The following PLD3 variants were observed in gnomAD, a reference collection of about 807,000 sequenced individuals.
PLD3 encodes the protein phospholipase D family member 3, also known as 5'-3' exonuclease PLD3.
Under a neutral mutation model 58.4 loss-of-function variants are expected in PLD3, and 31 were observed. The observed-to-expected ratio is 0.53, with a 90% CI of 0.40 to 0.72. PLD3 has a LOEUF of 0.72. PLD3 is among the 30% of genes least tolerant of loss of function. The pLI, the probability that PLD3 is intolerant of heterozygous loss-of-function variation, is 0.00. For synonymous variants in PLD3, 264 were observed against 273.4 expected (o/e 0.97, Z 0.34); for missense variants, 595 against 659.8 (o/e 0.90, Z 1.08).
At chr19:40,376,497 CCT>C in intron 10 of PLD3, 110 bp from the exon 11 acceptor site, 2 of 1,001,550 alleles carry the variant, frequency 2.0e-6, no homozygotes, top group Non-Finnish European at 3.0e-6. Context: ...ATGAGGAAGT[CCT>C]CTCAATAGCT....
intron 1 of PLD3, among the ~76,000 whole-genome samples, chr19:40,362,837 T>C (rs1012232807): frequency 6.6e-6 from 1 of 152,246 alleles, no homozygotes; most frequent in South Asian, 2.1e-4. Context: ...ATTACAGACC[T>C]GTAATCACTG....
intron 1 of PLD3, among the ~76,000 whole-genome samples, chr19:40,362,119 G>C (rs2078801856): frequency 6.6e-6 from 1 of 152,120 alleles, no homozygotes; most frequent in African/African-American, 2.4e-5. Context: ...TTACAGGCGT[G>C]AGACACCGCG....
At chr19:40,374,034 A>T (rs2079131649) in intron 9 of PLD3, among the ~76,000 whole-genome samples, 1 of 151,570 alleles carries the variant, frequency 6.6e-6, no homozygotes, top group Non-Finnish European at 1.5e-5. Context: ...AGGTCCTCAA[A>T]CTGAGCATGC....
At chr19:40,369,845 A>AT (rs1568671145) in intron 6 of PLD3, 63 bp from the exon 7 acceptor site, 2 of 1,464,304 alleles carry the variant, frequency 1.4e-6, no homozygotes, top group South Asian at 2.7e-5. Flanking sequence ...TCCACCGGGC[A>AT]TTACCTTGTG....
intron 11 of PLD3, 62 bp downstream of exon 11, chr19:40,376,836 T>G (rs2079217464): frequency 6.8e-7 from 1 of 1,459,936 alleles, no homozygotes; most frequent in Admixed American, 1.9e-5. Context: ...GACACAGCCC[T>G]CATGGGACTC....
At chr19:40,377,092 AGGCACAGGCAGAAG>A in intron 11 of PLD3, among the ~76,000 whole-genome samples, 1 of 36,760 alleles carries the variant, frequency 2.7e-5, no homozygotes, top group East Asian at 9.2e-4. Flanking sequence ...TGGGATGGGG[AGGCACAGGCAGAAG>A]GGTCGGGGCC....
intron 1 of PLD3, among the ~76,000 whole-genome samples, chr19:40,362,836 C>A (rs769212977): frequency 5.9e-5 from 9 of 152,146 alleles, no homozygotes; most frequent in Non-Finnish European, 1.0e-4. Flanking sequence ...CATTACAGAC[C>A]TGTAATCACT....
Position 40,375,369 on chromosome 19 carries a change from G to A in PLD3, c.1019+749G>A, listed in dbSNP as rs150131396. The stretch of plus-strand genomic sequence containing the variant: ...TCCTGGGATAAGAAGGATAACAACC[G>A]GCCGGACGTGGTGGCTCACACCTGT... On this transcript the variant is annotated intron_variant, in intron 10 of 12. Transcript: ENST00000409735. Among the ~76,000 whole-genome samples, 853 of 151,388 alleles carry A rather than the reference G, an allele frequency of 5.6e-3. 10 individuals carry two copies. The highest frequency in any genetic ancestry group is 0.02 in the African/African-American group (811 of 41,194).
In PLD3 at chr19:40,348,724, G is replaced by A; in HGVS notation, c.-323G>A. ...CGTCAGGCGGGGATACAGCCTGGAA[G>A]GTGCGTGTGGGGCTGGGTCTCGGAG... On this transcript the variant is annotated 5_prime_UTR_variant, in exon 1 of 13. Coordinates refer to ENST00000409735, the MANE Select transcript of PLD3 (RefSeq NM_012268.4). The A allele has an allele frequency of 1.9e-6, 1 of 531,958 alleles. No individual in the cohort carries two copies. 33.0% of individuals were successfully genotyped at this position (531,958 alleles called of 1,614,324 possible). A position where few individuals can be genotyped will look rare whatever the true frequency, so the allele number is the denominator to read the frequency against.
chr19:40,356,917 G>A (rs549907686), intron 1 of PLD3: 2 of 152,136 alleles, frequency 1.3e-5, no homozygotes, highest in Non-Finnish European at 2.9e-5. Flanking sequence ...ACAGCTTAGG[G>A]TTTTTAAGTT....
chr19:40,364,315 C>T (rs558840860), intron 1 of PLD3, among the ~76,000 whole-genome samples: 2 of 151,770 alleles, frequency 1.3e-5, no homozygotes, highest in Admixed American at 6.6e-5. Flanking sequence ...GATTGTGCCA[C>T]TGCACTCCAG....
chr19:40,377,333 G>A (rs1371603128), intron 11 of PLD3, among the ~76,000 whole-genome samples: 2 of 138,598 alleles, frequency 1.4e-5, no homozygotes, highest in African/African-American at 5.5e-5. Context: ...GATGGAGGAG[G>A]TACAGGCAGA....
At chr19:40,365,282 G>T (rs1035542354) in intron 1 of PLD3, among the ~76,000 whole-genome samples, 3 of 152,192 alleles carry the variant, frequency 2.0e-5, no homozygotes, top group Non-Finnish European at 2.9e-5. Context: ...CCTCTTGGGA[G>T]ATATGGGATG....
At position 40,376,652 on chromosome 19, in the gene PLD3, G is replaced by C; in HGVS notation, c.1063G>C (p.Glu355Gln). ...IDDGLRRATYERGVKVRLLIS... is the reference protein window; with the variant it reads ...IDDGLRRATYQRGVKVRLLIS... ...CGATGGGCTGCGGCGGGCCACCTACGAGCGTGGCGTCAAGGTGCGCCTGCT... is the reference window on the plus strand; with the variant it reads ...CGATGGGCTGCGGCGGGCCACCTACCAGCGTGGCGTCAAGGTGCGCCTGCT... The change falls in exon 11 of 13, where the codon GAG becomes CAG. Residue 355 changes from glutamate to glutamine, a missense_variant. Transcript: ENST00000409735. 1 of 1,607,632 alleles carries C rather than the reference G, an allele frequency of 6.2e-7. No homozygotes were observed. Among genetic ancestry groups the C allele is most frequent in the Non-Finnish European group, 8.5e-7 (1 of 1,179,976 alleles).
rs369536778 is a variant in PLD3 at position 40,374,434 on chromosome 19, C to T, written c.880-47C>T. On this transcript the variant is annotated intron_variant, in intron 9 of 12. Coordinates refer to ENST00000409735, the MANE Select transcript of PLD3 (RefSeq NM_012268.4). ...TGTCCGTATGTGGGGTCCGTTGTGACGATGACCCTGGCAGGGCACATGTCT... is the reference window on the plus strand; with the variant it reads ...TGTCCGTATGTGGGGTCCGTTGTGATGATGACCCTGGCAGGGCACATGTCT... 270 of 1,605,858 alleles carry T rather than the reference C, an allele frequency of 1.7e-4. 1 individual carries two copies. Among genetic ancestry groups the T allele is most frequent in the African/African-American group, 3.3e-4 (25 of 74,894 alleles).
chr19:40,363,232 A>G (rs988977336), intron 1 of PLD3, among the ~76,000 whole-genome samples: 1 of 152,140 alleles, frequency 6.6e-6, no homozygotes, highest in African/African-American at 2.4e-5. Flanking sequence ...ATATTCTTCA[A>G]TAAAAATATG....
chr19:40,368,924 CA>C (rs1222756039), intron 6 of PLD3, among the ~76,000 whole-genome samples: 2 of 150,548 alleles, frequency 1.3e-5, no homozygotes, highest in Non-Finnish European at 3.0e-5. Context: ...GACCCTGTCT[CA>C]AAAAAAAGAA....
intron 1 of PLD3, among the ~76,000 whole-genome samples, chr19:40,362,554 G>A (rs879312909): frequency 6.6e-6 from 1 of 152,134 alleles, no homozygotes; most frequent in Non-Finnish European, 1.5e-5. Context: ...TCCTGCCTCA[G>A]CCTTCCACAT....
intron 9 of PLD3, among the ~76,000 whole-genome samples, chr19:40,372,622 C>T (rs563391533): frequency 2.4e-4 from 33 of 137,644 alleles, no homozygotes; most frequent in Non-Finnish European, 3.1e-5. Context: ...AGGGAGACAT[C>T]ATTTCTTTCT....
Sources: gnomAD v4.1 joint callset for allele counts (sites outside exome capture counted in the v4.1 genomes callset) on GRCh38, gnomAD v4.1.1 for gene constraint, MANE v1.5 for transcripts, NCBI Gene and HGNC (gene_info 2026-07-23, HGNC 2026-07-21) for gene names.